Variants in PDE10A observed in about 807,000 individuals in gnomAD.
The protein encoded by PDE10A is cAMP and cAMP-inhibited cGMP 3',5'-cyclic phosphodiesterase 10A.
Under a neutral mutation model 97.7 loss-of-function variants are expected in PDE10A, and 39 were observed. The observed-to-expected ratio is 0.40, with a 90% CI of 0.31 to 0.52. The LOEUF (loss-of-function observed/expected upper bound fraction) is 0.52. Among genes scored for constraint, PDE10A ranks in the 20% least tolerant of loss-of-function variants. PDE10A has a pLI of 0.56. For missense variants in PDE10A, 731 were observed against 1,047.8 expected (o/e 0.70, Z 4.17); for synonymous variants, 371 against 376.8 (o/e 0.98, Z 0.18).
intron 1 of PDE10A, among the ~76,000 whole-genome samples, chr6:165,768,489 A>C (rs918425779): frequency 6.6e-6 from 1 of 152,122 alleles, no homozygotes; most frequent in Non-Finnish European, 1.5e-5. Context: ...AGTGTCCTTC[A>C]CTTAAAATAA....
intron 17 of PDE10A, among the ~76,000 whole-genome samples, chr6:165,384,332 A>G (rs3799160): frequency 0.16 from 22,753 of 143,586 alleles, 1,884 homozygotes; most frequent in East Asian, 0.28. Flanking sequence ...CCTGTCTGCT[A>G]AATGTCCACC....
At chr6:165,680,760 C>T (rs1239857082) in intron 1 of PDE10A, among the ~76,000 whole-genome samples, 3 of 152,092 alleles carry the variant, frequency 2.0e-5, no homozygotes, top group Non-Finnish European at 2.9e-5. Flanking sequence ...AAAAATTAGC[C>T]GGGTGTGGTG....
chr6:165,548,196 T>C (rs1456956769), intron 1 of PDE10A, among the ~76,000 whole-genome samples: 2 of 151,856 alleles, frequency 1.3e-5, no homozygotes, highest in Non-Finnish European at 2.9e-5. Context: ...ATAAAACTAT[T>C]CTAACCATAA....
At chr6:165,844,804 A>G (rs1442130532) in intron 1 of PDE10A, among the ~76,000 whole-genome samples, 1 of 152,250 alleles carries the variant, frequency 6.6e-6, no homozygotes, top group Non-Finnish European at 1.5e-5. Context: ...GGGTAGAGGA[A>G]GAAGTCCTAA....
intron 1 of PDE10A, among the ~76,000 whole-genome samples, chr6:165,887,199 G>A (rs2323032): frequency 0.15 from 23,068 of 152,080 alleles, 1,946 homozygotes; most frequent in East Asian, 0.26. Flanking sequence ...GGGTGAAGAA[G>A]GAGCCTACAA....
At chr6:165,837,685 T>TAGG (rs1562761254) in intron 1 of PDE10A, among the ~76,000 whole-genome samples, 1 of 86,570 alleles carries the variant, frequency 1.2e-5, no homozygotes, top group African/African-American at 4.3e-5. Context: ...TTTTTTTTTT[T>TAGG]GGGGCAGGAG....
At chr6:165,565,060 T>C (rs1469639411) in intron 1 of PDE10A, among the ~76,000 whole-genome samples, 1 of 152,192 alleles carries the variant, frequency 6.6e-6, no homozygotes, top group Non-Finnish European at 1.5e-5. Flanking sequence ...GGGAAAGATA[T>C]TCCATTCATA....
rs74708327 is a variant in PDE10A, at chr6:165,919,878, G to C, written c.-615+67651C>G. On this transcript the variant is annotated intron_variant, in intron 1 of 19. Coordinates refer to the PDE10A transcript ENST00000366882. ...GACGGAAGCAGAACGTGCCCTTCTT[G>C]ATAATTTTCAGGTGCATTCTGTTAA... Among the ~76,000 whole-genome samples the C allele has an allele frequency of 2.4e-3, 368 of 152,306 alleles. 1 individual carries two copies. Among genetic ancestry groups the C allele is most frequent in the African/African-American group, 8.6e-3 (356 of 41,558 alleles).
At chr6:165,365,681 C>G (rs1783725411) in intron 18 of PDE10A, among the ~76,000 whole-genome samples, 1 of 152,090 alleles carries the variant, frequency 6.6e-6, no homozygotes, top group Non-Finnish European at 1.5e-5. Context: ...GGTTGTGCCA[C>G]TGTACTTAAG....
chr6:165,652,642 T>C lies in PDE10A; in HGVS notation c.865+9305A>G, dbSNP rs532636244. ...TTCTGCACCAGCCTCCACCCATCCC[T>C]GGACTGCAACTCTGCAGTTACCTGT... On this transcript the variant is annotated intron_variant, in intron 1 of 21. Coordinates refer to ENST00000539869, the MANE Select transcript of PDE10A (RefSeq NM_001385079.1). Among the ~76,000 whole-genome samples the C allele has an allele frequency of 9.9e-4, 151 of 152,350 alleles. 1 individual carries two copies. The highest frequency in any genetic ancestry group is 3.7e-3 in the South Asian group (18 of 4,826).
intron 1 of PDE10A, among the ~76,000 whole-genome samples, chr6:165,837,438 C>A (rs139681778): frequency 4.1e-4 from 63 of 152,214 alleles, no homozygotes; most frequent in African/African-American, 1.4e-3. Flanking sequence ...CCTTTCTCTG[C>A]TTTCAAACAT....
Position 165,331,279 on chromosome 6 carries a change from A to G in PDE10A, c.*1746T>C, listed in dbSNP as rs1781326568. 6.6e-6 allele frequency: 1 copy of G among 152,154 alleles called. No individual in the cohort carries two copies. The highest frequency in any genetic ancestry group is 2.1e-4 in the South Asian group (1 of 4,834). The allele number at this position is 152,154 out of a possible 1,614,324, so 9.4% of individuals were successfully genotyped here. A position where few individuals can be genotyped will look rare whatever the true frequency, so the allele number is the denominator to read the frequency against. ...GTACTTCTCTCTCTTTTGTTATTAC[A>G]TTTTACCTCATAGTGTATAATGAAA... On this transcript the variant is annotated 3_prime_UTR_variant, in exon 22 of 22. Coordinates refer to ENST00000539869, the MANE Select transcript of PDE10A (RefSeq NM_001385079.1).
Position 165,655,232 on chromosome 6 carries a change from A to G in PDE10A, c.865+6715T>C, listed in dbSNP as rs982559930. ...GGGGCATCCAATCCCATGATTTTAG[A>G]TGCTGTGACTGCAGTTTCTATGCTG... On this transcript the variant is annotated intron_variant, in intron 1 of 21. Transcript: ENST00000539869. The surrounding 1 kb of genome is among the most constrained non-coding windows in gnomAD (Gnocchi z 4.5). Among the ~76,000 whole-genome samples the G allele has an allele frequency of 6.6e-6, 1 of 152,066 alleles. No homozygotes were observed. The highest frequency in any genetic ancestry group is 2.4e-5 in the African/African-American group (1 of 41,386).
intron 1 of PDE10A, among the ~76,000 whole-genome samples, chr6:165,600,496 T>C (rs1314671668): frequency 6.6e-6 from 1 of 152,222 alleles, no homozygotes; most frequent in Non-Finnish European, 1.5e-5. Flanking sequence ...CACATACACA[T>C]GTAAATGTTC....
At chr6:165,774,725 CAA>C (rs1001283230) in intron 1 of PDE10A, 6 of 149,442 alleles carry the variant, frequency 4.0e-5, no homozygotes, top group Non-Finnish European at 7.4e-5. Flanking sequence ...CTGATGCTAC[CAA>C]GATTATTTTC....
chr6:165,628,098 T>C (rs1275765802), intron 1 of PDE10A, among the ~76,000 whole-genome samples: 3 of 152,214 alleles, frequency 2.0e-5, no homozygotes, highest in Non-Finnish European at 4.4e-5. Context: ...TATCATAAAC[T>C]TAAACCATGA....
chr6:165,573,452 T>C (rs1012033066), intron 1 of PDE10A, among the ~76,000 whole-genome samples: 1 of 152,192 alleles, frequency 6.6e-6, no homozygotes, highest in Non-Finnish European at 1.5e-5. Context: ...GAAATGACCC[T>C]AGTCTACATT....
intron 1 of PDE10A, among the ~76,000 whole-genome samples, chr6:165,941,466 T>G (rs1783514568): frequency 6.6e-6 from 1 of 152,144 alleles, no homozygotes; most frequent in African/African-American, 2.4e-5. Flanking sequence ...CCACCTGACA[T>G]CATTTGGATA....
At chr6:165,862,127 G>T (rs2453392) in intron 1 of PDE10A, among the ~76,000 whole-genome samples, 109,721 of 152,122 alleles carry the variant, frequency 0.72, 40,023 homozygotes, top group East Asian at 0.96. Flanking sequence ...ATTTGTGATT[G>T]ATAAAGAATC....
Sources: allele counts gnomAD v4.1 joint callset (sites outside exome capture counted in the v4.1 genomes callset), GRCh38; gene constraint gnomAD v4.1.1; non-coding constraint Gnocchi (gnomAD v3.1); transcripts MANE v1.5; gene names NCBI Gene and HGNC (gene_info 2026-07-23, HGNC 2026-07-21).